The following ARFGEF3 variants were observed in gnomAD, a reference collection of about 807,000 sequenced individuals.
ARFGEF3 encodes brefeldin A-inhibited guanine nucleotide-exchange protein 3.
ARFGEF3 carries 96 observed loss-of-function variants against 221.7 expected under a neutral mutation model. The observed-to-expected ratio is 0.43, with a 90% CI of 0.37 to 0.51. The LOEUF is 0.51. Among genes scored for constraint, ARFGEF3 ranks in the 20% least tolerant of loss-of-function variants. The pLI, the probability that ARFGEF3 is intolerant of heterozygous loss-of-function variation, is 0.00. For synonymous variants in ARFGEF3, 1,145 were observed against 1,126.8 expected (o/e 1.02, Z -0.32); for missense variants, 2,410 against 2,789.9 (o/e 0.86, Z 3.07).
intron 27 of ARFGEF3, among the ~76,000 whole-genome samples, chr6:138,318,560 CA>C (rs1180212215): frequency 1.3e-5 from 2 of 152,114 alleles, no homozygotes; most frequent in African/African-American, 4.8e-5. Context: ...TGTTAAAATG[CA>C]CATACTATGG....
intron 14 of ARFGEF3, among the ~76,000 whole-genome samples, chr6:138,284,648 G>GT (rs1254657201): frequency 1.3e-5 from 2 of 152,256 alleles, no homozygotes; most frequent in African/African-American, 4.8e-5. Context: ...TGAGGATCCA[G>GT]TATAGAGCTG....
rs1223434175 is a variant in ARFGEF3 at position 138,308,672 on chromosome 6, G to A, written c.3974-67G>A. ...TCTCAGTGGAACGTGCTGGGAATATGGGCAACCCTGGCAAACCCGAGGGCA... is the reference window on the plus strand; with the variant it reads ...TCTCAGTGGAACGTGCTGGGAATATAGGCAACCCTGGCAAACCCGAGGGCA... On this transcript the variant is annotated intron_variant, in intron 23 of 33. Coordinates refer to ENST00000251691, the MANE Select transcript of ARFGEF3 (RefSeq NM_020340.5). 11 of 1,568,690 alleles carry A rather than the reference G, an allele frequency of 7.0e-6. No individual in the cohort carries two copies. The South Asian group carries it at 7.9e-5, about 11-fold the overall frequency.
chr6:138,283,185 A>G (rs1361835435), intron 14 of ARFGEF3, among the ~76,000 whole-genome samples: 1 of 152,234 alleles, frequency 6.6e-6, no homozygotes, highest in Non-Finnish European at 1.5e-5. Flanking sequence ...TACTGCCCAG[A>G]GCTTATAAGT....
chr6:138,210,420 T>C (rs1777703343), intron 4 of ARFGEF3, among the ~76,000 whole-genome samples: 1 of 152,174 alleles, frequency 6.6e-6, no homozygotes, highest in African/African-American at 2.4e-5. Flanking sequence ...TACTGAGATT[T>C]CAGAATGGTC....
intron 8 of ARFGEF3, among the ~76,000 whole-genome samples, chr6:138,249,510 T>C (rs1778542599): frequency 6.6e-6 from 1 of 152,186 alleles, no homozygotes; most frequent in South Asian, 2.1e-4. Flanking sequence ...TTTATATTTT[T>C]GGTAGAGGCG....
rs1428799574 is a variant in ARFGEF3 at position 138,238,548 on chromosome 6, A to G, written c.460A>G (p.Ser154Gly). Residue 154 changes from serine to glycine, a missense_variant, in exon 6 of 34, where the codon AGC becomes GGC. This residue lies in a region of ARFGEF3 where 570 missense variants were observed against 586.9 expected (regional missense o/e 0.97). Transcript: ENST00000251691. ...GTACATAAGCAGCTGTCACCAGCGTAGCATAAACACTGCTGTGCGGGCAAC... is the reference window on the plus strand; with the variant it reads ...GTACATAAGCAGCTGTCACCAGCGTGGCATAAACACTGCTGTGCGGGCAAC... ...ETYISSCHQR[S>G]INTAVRATLS... 6.2e-7 allele frequency: 1 copy of G among 1,613,734 alleles called. No homozygotes were observed. The highest frequency in any genetic ancestry group is 1.7e-5 in the Admixed American group (1 of 59,996).
intron 8 of ARFGEF3, among the ~76,000 whole-genome samples, chr6:138,252,790 A>G (rs1466686754): frequency 1.3e-5 from 2 of 152,240 alleles, no homozygotes; most frequent in African/African-American, 4.8e-5. Context: ...ACTCTCTAAA[A>G]AAGGATTTAT....
chr6:138,217,413 C>A (rs2114511713), intron 4 of ARFGEF3: 1 of 152,386 alleles, frequency 6.6e-6, no homozygotes, highest in Non-Finnish European at 1.5e-5. Flanking sequence ...GTGAAGAAAA[C>A]AAAACCAAAG....
At chr6:138,228,856 G>A (rs9494972) in intron 4 of ARFGEF3, among the ~76,000 whole-genome samples, 3,927 of 152,348 alleles carry the variant, frequency 0.026, 153 homozygotes, top group African/African-American at 0.089. Context: ...TGGCTGTGGG[G>A]TTTGAGATCA....
intron 22 of ARFGEF3, among the ~76,000 whole-genome samples, chr6:138,304,775 C>T (rs1207164377): frequency 6.6e-6 from 1 of 152,106 alleles, no homozygotes; most frequent in Non-Finnish European, 1.5e-5. Context: ...CAGTGTTATT[C>T]TCATACCTTT....
At chr6:138,283,472 A>C (rs1169170097) in intron 14 of ARFGEF3, among the ~76,000 whole-genome samples, 1 of 152,258 alleles carries the variant, frequency 6.6e-6, no homozygotes, top group Non-Finnish European at 1.5e-5. Context: ...GCTTTTCATA[A>C]GAATTCAACA....
At chr6:138,193,552 T>C (rs758568913) in intron 2 of ARFGEF3, among the ~76,000 whole-genome samples, 2 of 152,206 alleles carry the variant, frequency 1.3e-5, no homozygotes, top group Non-Finnish European at 2.9e-5. Context: ...AAAGAAATGC[T>C]CTATTTATTA....
Position 138,162,247 on chromosome 6 carries a change from G to A in ARFGEF3, c.85+76G>A. On this transcript the variant is annotated intron_variant, in intron 1 of 33. Transcript: ENST00000251691. This position sits in a 1 kb window ranked among gnomAD's most constrained non-coding sequence, Gnocchi z 4.7. ...CTGAACCCGCGCCTCCGCGCGTGGG[G>A]CTTTCGCGGAGCGTCGGTCATGGGT... 2 of 1,094,022 alleles carry A rather than the reference G, an allele frequency of 1.8e-6. No homozygotes were observed. The highest frequency in any genetic ancestry group is 2.6e-6 in the Non-Finnish European group (2 of 766,860). The allele number at this position is 1,094,022 out of a possible 1,614,324, so 67.8% of individuals were successfully genotyped here. A position where few individuals can be genotyped will look rare whatever the true frequency, so the allele number is the denominator to read the frequency against.
chr6:138,273,193 G>C (rs534720608), intron 12 of ARFGEF3, among the ~76,000 whole-genome samples: 7 of 152,158 alleles, frequency 4.6e-5, no homozygotes, highest in Admixed American at 3.3e-4. Flanking sequence ...GTATCATTGG[G>C]CCTTGAGAGA....
intron 4 of ARFGEF3, among the ~76,000 whole-genome samples, chr6:138,226,206 G>GTGC (rs1778081508): frequency 6.6e-6 from 1 of 152,182 alleles, no homozygotes; most frequent in Admixed American, 6.5e-5. Flanking sequence ...CTGCGATTCT[G>GTGC]TGCTCATCAT....
chr6:138,321,147 A>G lies in ARFGEF3; in HGVS notation c.4688A>G (p.Lys1563Arg). Residue 1563 changes from lysine (K) to arginine (R), a missense_variant, in exon 29 of 34, where the codon AAG becomes AGG. Lys to Arg is a conservative substitution (Grantham distance 26). This residue lies in a region of ARFGEF3 where 723 missense variants were observed against 991.9 expected (regional missense o/e 0.73). Transcript: ENST00000251691. ...RYESMINTML[K>R]DLFELLVACV... Reference sequence around the variant, plus strand: ...GAGAGCATGATCAATACCATGCTGAAGGACCTCTTTGAGTTGCTGGTCGCC... The same window carrying G: ...GAGAGCATGATCAATACCATGCTGAGGGACCTCTTTGAGTTGCTGGTCGCC... 6.4e-7 allele frequency: 1 copy of G among 1,564,514 alleles called. No individual in the cohort carries two copies. Among genetic ancestry groups the G allele is most frequent in the Non-Finnish European group, 8.7e-7 (1 of 1,152,982 alleles).
chr6:138,200,814 G>T (rs575863706), intron 2 of ARFGEF3, among the ~76,000 whole-genome samples: 8 of 152,190 alleles, frequency 5.3e-5, no homozygotes, highest in Admixed American at 5.2e-4. Flanking sequence ...TAAAAACAAA[G>T]AAAAATAGCT....
chr6:138,257,729 G>T (rs1778711777), intron 10 of ARFGEF3, among the ~76,000 whole-genome samples: 1 of 152,134 alleles, frequency 6.6e-6, no homozygotes, highest in African/African-American at 2.4e-5. Context: ...CATTTCAGGA[G>T]CCTGAGTTTA....
At chr6:138,328,587 A>G (rs1180839209) in intron 32 of ARFGEF3, among the ~76,000 whole-genome samples, 3 of 152,188 alleles carry the variant, frequency 2.0e-5, no homozygotes. Flanking sequence ...TTTTGACTTA[A>G]TTACCTCTTA....
Sources: gnomAD v4.1 joint callset for allele counts (sites outside exome capture counted in the v4.1 genomes callset) on GRCh38, gnomAD v4.1.1 for gene constraint, gnomAD v4.1.1 regional missense constraint, Gnocchi (gnomAD v3.1) non-coding constraint, MANE v1.5 for transcripts, NCBI Gene and HGNC (gene_info 2026-07-23, HGNC 2026-07-21) for gene names.